Variants in HSPA14 observed in about 807,000 individuals in gnomAD.
HSPA14 encodes the protein heat shock protein family A (Hsp70) member 14.
Under a neutral mutation model 65.5 loss-of-function variants are expected in HSPA14, and 37 were observed. The observed-to-expected ratio is 0.56, with a 90% CI of 0.43 to 0.74. HSPA14 has a LOEUF of 0.74. HSPA14 is among the 30% of genes least tolerant of loss of function. The probability of loss-of-function intolerance (pLI) is 0.00; values close to 1 mark genes in which losing one functional copy is unlikely to be tolerated. For missense variants in HSPA14, 564 were observed against 607.6 expected (o/e 0.93, Z 0.75); for synonymous variants, 203 against 214.2 (o/e 0.95, Z 0.46).
At position 14,842,347 on chromosome 10, in the gene HSPA14, C is replaced by G. The variant is rs2131635378; in HGVS notation, c.221+2190C>G. On this transcript the variant is annotated intron_variant, in intron 3 of 13. Coordinates refer to ENST00000378372, the MANE Select transcript of HSPA14 (RefSeq NM_016299.4). The surrounding 1 kb of genome is among the most constrained non-coding windows in gnomAD (Gnocchi z 5.2). ...CCAGACAGGAGACACGAACTCTTCTCTCCATACTAGGCGAGGCAGAGTATA... is the reference window on the plus strand; with the variant it reads ...CCAGACAGGAGACACGAACTCTTCTGTCCATACTAGGCGAGGCAGAGTATA... 1 of 1,536,140 alleles carries G rather than the reference C, an allele frequency of 6.5e-7. No homozygotes were observed. Among genetic ancestry groups the G allele is most frequent in the South Asian group, 1.2e-5 (1 of 84,062 alleles).
At chr10:14,857,262 T>C (rs1832711079) in intron 10 of HSPA14, among the ~76,000 whole-genome samples, 1 of 152,220 alleles carries the variant, frequency 6.6e-6, no homozygotes, top group African/African-American at 2.4e-5. Flanking sequence ...ACGTTTATCA[T>C]ATTTAGGATT....
chr10:14,864,376 C>G (rs1194504560), intron 10 of HSPA14, among the ~76,000 whole-genome samples: 1 of 149,592 alleles, frequency 6.7e-6, no homozygotes, highest in Admixed American at 6.7e-5. Flanking sequence ...TACATGTGCA[C>G]AATGTGCAGG....
At chr10:14,867,020 C>A (rs1003485373) in intron 10 of HSPA14, 63 bp from the exon 11 acceptor site, 2 of 1,225,742 alleles carry the variant, frequency 1.6e-6, no homozygotes, top group Non-Finnish European at 2.4e-6. Context: ...GTCTATTACA[C>A]TTAATTTTGA....
intron 10 of HSPA14, among the ~76,000 whole-genome samples, chr10:14,862,977 C>T (rs1048935257): frequency 1.3e-5 from 2 of 152,228 alleles, no homozygotes; most frequent in African/African-American, 4.8e-5. Context: ...AGCCACTGCG[C>T]TTGGCCTTTT....
chr10:14,841,293 T>C (rs1415556530), intron 3 of HSPA14: 1 of 152,208 alleles, frequency 6.6e-6, no homozygotes, highest in Non-Finnish European at 1.5e-5. Flanking sequence ...AAATATAAGT[T>C]GGTGTCAAAT....
rs1834114522 is a variant in HSPA14, at chr10:14,852,362, T to C, written c.573-8T>C. ...TTCCCTGATAACTTACTTTATCTTC[T>C]CTTGAAGCAATATTTTGGTGTTTAA... is the stretch of plus-strand genomic sequence containing the variant. On this transcript the variant is annotated splice_region_variant and splice_polypyrimidine_tract_variant and intron_variant, in intron 7 of 13. Transcript: ENST00000378372. 1.2e-6 allele frequency: 2 copies of C among 1,610,724 alleles called. No individual in the cohort carries two copies. The highest frequency in any genetic ancestry group is 1.3e-5 in the African/African-American group (1 of 74,794).
chr10:14,843,496 A>G (rs1363844627), intron 3 of HSPA14: 1 of 1,550,616 alleles, frequency 6.4e-7, no homozygotes, highest in African/African-American at 1.4e-5. Flanking sequence ...CTGCACCAGC[A>G]CCAACCGCAG....
chr10:14,845,078 G>A (rs1365345754), intron 3 of HSPA14: 1 of 985,230 alleles, frequency 1.0e-6, no homozygotes, highest in Non-Finnish European at 1.2e-6. Flanking sequence ...TGCAATAGAT[G>A]ACTCCTTTTA....
rs68155495 is a variant in HSPA14, at chr10:14,869,232, C to CGTGTGT, written c.1381-1338_1381-1333dup. On this transcript the variant is annotated intron_variant, in intron 12 of 13. Transcript: ENST00000378372. Reference sequence around the variant, plus strand: ...ATGAGATATTGTGTGTGTACGTGTACGTGTGTGTGTGTGTGTGTGTGTGTG... The same window carrying CGTGTGT: ...ATGAGATATTGTGTGTGTACGTGTACGTGTGTGTGTGTGTGTGTGTGTGTGTGTGTG... Among the ~76,000 whole-genome samples the CGTGTGT allele has an allele frequency of 6.2e-3, 899 of 144,806 alleles. 5 individuals carry two copies. The highest frequency in any genetic ancestry group is 0.02 in the African/African-American group (785 of 39,720). The allele number at this position is 144,806 out of a possible 152,430, so 95.0% of individuals were successfully genotyped here. A position where few individuals can be genotyped will look rare whatever the true frequency, so the allele number is the denominator to read the frequency against.
chr10:14,838,922 C>A (rs914077195), intron 1 of HSPA14, among the ~76,000 whole-genome samples: 2 of 152,028 alleles, frequency 1.3e-5, no homozygotes, highest in Non-Finnish European at 2.9e-5. Context: ...GGTGGGAGGT[C>A]CTGGGAAAGT....
Position 14,871,644 on chromosome 10 carries a change from A to G in HSPA14, c.*38A>G. The G allele has an allele frequency of 1.8e-6, 2 of 1,125,366 alleles. No individual in the cohort carries two copies. Among genetic ancestry groups the G allele is most frequent in the South Asian group, 1.3e-5 (1 of 74,952 alleles). 69.7% of individuals were successfully genotyped at this position (1,125,366 alleles called of 1,614,324 possible). The stretch of plus-strand genomic sequence containing the variant: ...ATCAAGAATTTTTAAAAACAAGAAT[A>G]TCAACATTTGGTTTTGTGTATAAGT... On this transcript the variant is annotated 3_prime_UTR_variant, in exon 14 of 14. Transcript: ENST00000378372.
rs370543282 is a variant in HSPA14, at chr10:14,839,864, T to C, written c.58-41T>C. ...TGGTGCACAAATGCACACGTCTGAA[T>C]ACGTCTAATGAGACTATGTATTTCG... On this transcript the variant is annotated intron_variant, in intron 1 of 13. Transcript: ENST00000378372. The C allele has an allele frequency of 1.9e-5, 27 of 1,458,492 alleles. No individual in the cohort carries two copies. The African/African-American group carries it at 3.1e-4, about 17-fold the overall frequency. The allele number at this position is 1,458,492 out of a possible 1,614,324, so 90.3% of individuals were successfully genotyped here.
intron 6 of HSPA14, 95 bp downstream of exon 6, chr10:14,849,906 C>T (rs189879099): frequency 8.4e-5 from 59 of 703,650 alleles, no homozygotes; most frequent in Admixed American, 7.8e-4. Flanking sequence ...GTACCTTAGG[C>T]GATAAAATTG....
At chr10:14,843,042 G>C (rs937511466) in intron 3 of HSPA14, among the ~76,000 whole-genome samples, 1 of 152,174 alleles carries the variant, frequency 6.6e-6, no homozygotes, top group African/African-American at 2.4e-5. Context: ...GCAACATAAG[G>C]TATTAGAACC....
intron 3 of HSPA14, chr10:14,843,419 G>C (rs1000613070): frequency 6.4e-7 from 1 of 1,550,758 alleles, no homozygotes; most frequent in African/African-American, 1.4e-5. Context: ...AGCCTTTTCA[G>C]AGGTGCAGTT....
At chr10:14,851,173 T>TTGAACATG (rs1834106046) in intron 6 of HSPA14, 46 bp from the exon 7 acceptor site, 2 of 1,017,750 alleles carry the variant, frequency 2.0e-6, no homozygotes, top group African/African-American at 1.6e-5. Context: ...AAATGTAGAA[T>TTGAACATG]TGAACATGTG....
At chr10:14,855,388 A>C (rs1004089931) in intron 9 of HSPA14, among the ~76,000 whole-genome samples, 1 of 152,216 alleles carries the variant, frequency 6.6e-6, no homozygotes, top group Non-Finnish European at 1.5e-5. Context: ...ACTTATGTCC[A>C]ACATGGTCTC....
At chr10:14,840,201 G>A in intron 3 of HSPA14, 44 bp downstream of exon 3, 1 of 965,900 alleles carries the variant, frequency 1.0e-6, no homozygotes, top group East Asian at 2.8e-5. Context: ...ATAGGAACAT[G>A]TTCATAAATT....
chr10:14,844,158 G>T (rs1169526432), intron 3 of HSPA14: 8 of 1,291,640 alleles, frequency 6.2e-6, no homozygotes, highest in Non-Finnish European at 7.9e-6. Context: ...CTTTGTCACA[G>T]ATGTGAAGCA....
Sources: allele counts gnomAD v4.1 joint callset (sites outside exome capture counted in the v4.1 genomes callset), GRCh38; gene constraint gnomAD v4.1.1; non-coding constraint Gnocchi (gnomAD v3.1); transcripts MANE v1.5; gene names NCBI Gene and HGNC (gene_info 2026-07-23, HGNC 2026-07-21).